The following ZDHHC7 variants were observed in gnomAD, a reference collection of about 807,000 sequenced individuals.
The protein encoded by ZDHHC7 is zDHHC palmitoyltransferase 7.
A neutral mutation model predicts 34.1 loss-of-function variants in ZDHHC7; 12 were observed. That is an observed-to-expected ratio of 0.35 (90% CI 0.23 to 0.57). ZDHHC7 has a LOEUF of 0.57. Among genes scored for constraint, ZDHHC7 ranks in the 20% least tolerant of loss-of-function variants. ZDHHC7 has a pLI of 0.84. For missense variants in ZDHHC7, 388 were observed against 402.7 expected (o/e 0.96, Z 0.31); for synonymous variants, 185 against 155.4 (o/e 1.19, Z -1.42).
At chr16:85,014,707 T>C (rs1402249274), upstream of ZDHHC7, among the ~76,000 whole-genome samples, 1 of 152,138 alleles carries the variant, frequency 6.6e-6, no homozygotes, top group African/African-American at 2.4e-5. Context: ...AGAGACAAAC[T>C]CTGTGAAATA....
chr16:84,986,440 G>C (rs2072438086), intron 3 of ZDHHC7, among the ~76,000 whole-genome samples: 1 of 152,208 alleles, frequency 6.6e-6, no homozygotes, highest in Admixed American at 6.5e-5. Flanking sequence ...GCCCCATGAA[G>C]GCTACCTCCG....
At chr16:84,976,565 G>C in intron 7 of ZDHHC7, 46 bp from the exon 8 acceptor site, 1 of 1,593,940 alleles carries the variant, frequency 6.3e-7, no homozygotes. Context: ...CAGGAAGCTC[G>C]GCAGACCCCA....
intron 2 of ZDHHC7, among the ~76,000 whole-genome samples, 194 bp from the exon 3 acceptor site, chr16:84,990,829 A>C (rs1475586122): frequency 6.6e-6 from 1 of 151,472 alleles, no homozygotes; most frequent in African/African-American, 2.4e-5. Context: ...ACTACAACAC[A>C]GTAAGTCCCA....
chr16:84,987,258 T>C (rs1982968), intron 3 of ZDHHC7, among the ~76,000 whole-genome samples: 21,544 of 152,202 alleles, frequency 0.14, 1,720 homozygotes, highest in Admixed American at 0.25. Context: ...GCAGACATGC[T>C]TCCAAAGAAG....
At chr16:85,007,951 T>C (rs368931654) in intron 1 of ZDHHC7, among the ~76,000 whole-genome samples, 1 of 151,944 alleles carries the variant, frequency 6.6e-6, no homozygotes, top group African/African-American at 2.4e-5. Flanking sequence ...AGTGAGACCC[T>C]ATCTCTACAA....
chr16:84,995,047 C>A (rs1242297530), intron 2 of ZDHHC7, among the ~76,000 whole-genome samples: 1 of 152,160 alleles, frequency 6.6e-6, no homozygotes, highest in South Asian at 2.1e-4. Flanking sequence ...TTAAAATGTA[C>A]ACATTCCTTA....
Position 84,990,365 on chromosome 16 carries a change from A to G in ZDHHC7, c.254T>C (p.Ile85Thr), listed in dbSNP as rs1426255122. 6.2e-7 allele frequency: 1 copy of G among 1,614,132 alleles called. No homozygotes were observed. Among genetic ancestry groups the G allele is most frequent in the East Asian group, 2.2e-5 (1 of 44,874 alleles). Residue 85 changes from isoleucine to threonine, a missense_variant, in exon 3 of 8, where the codon ATC becomes ACC. By Grantham distance (89) the Ile-to-Thr change is moderately conservative (BLOSUM62 -1). Transcript: ENST00000313732. ...GGCAAGCACGGCCAAGCAGTTAAAG[A>G]TGACCCCGTTGACCACAGAGTACCA... ...DFWYSVVNGVIFNCLAVLALS... is the reference protein window; with the variant it reads ...DFWYSVVNGVTFNCLAVLALS...
At chr16:85,021,596 T>A in the ZDHHC7 span, among the ~76,000 whole-genome samples, 1 of 151,726 alleles carries the variant, frequency 6.6e-6, no homozygotes, top group East Asian at 1.9e-4. Flanking sequence ...CATGCACCTA[T>A]AATCCCAGCT....
chr16:84,981,599 T>A (rs542788883), intron 4 of ZDHHC7, among the ~76,000 whole-genome samples: 1 of 152,300 alleles, frequency 6.6e-6, no homozygotes, highest in East Asian at 1.9e-4. Flanking sequence ...TGTCACCTCC[T>A]CCAGTTGTTG....
chr16:84,988,983 G>A, intron 3 of ZDHHC7: 1 of 1,129,354 alleles, frequency 8.9e-7, no homozygotes, highest in Non-Finnish European at 1.3e-6. Context: ...AGGGGTTTCT[G>A]CTGCAGCCAA....
At chr16:84,979,880 T>C (rs1464966268) in intron 4 of ZDHHC7, among the ~76,000 whole-genome samples, 1 of 151,822 alleles carries the variant, frequency 6.6e-6, no homozygotes, top group Non-Finnish European at 1.5e-5. Flanking sequence ...GCTTGCACCA[T>C]TTAATTACAT....
rs186446531 is a variant in ZDHHC7 at position 84,990,121 on chromosome 16, G to C, written c.315+183C>G. ...AACTAGGGGTATTTCACTGCGCTAG[G>C]TCTGGCCTATGTTTATTCTCAGCCT... On this transcript the variant is annotated intron_variant, in intron 3 of 7. Transcript: ENST00000313732. Among the ~76,000 whole-genome samples, 4 of 152,298 alleles carry C rather than the reference G, an allele frequency of 2.6e-5. No individual in the cohort carries two copies. In the East Asian group the frequency reaches 7.7e-4, roughly 29 times the overall value.
the ZDHHC7 span, among the ~76,000 whole-genome samples, chr16:85,019,111 G>A: frequency 2.6e-5 from 4 of 152,158 alleles, no homozygotes; most frequent in Admixed American, 2.0e-4. Flanking sequence ...TCATTCTCTC[G>A]TGGCTGTTAG....
chr16:85,015,182 C>T (rs924835799), upstream of ZDHHC7, among the ~76,000 whole-genome samples: 4 of 151,882 alleles, frequency 2.6e-5, no homozygotes, highest in South Asian at 4.2e-4. Flanking sequence ...TCAGTGCAAC[C>T]TCCGCGTCCC....
At chr16:84,994,132 C>A (rs1408016643) in intron 2 of ZDHHC7, among the ~76,000 whole-genome samples, 2 of 152,236 alleles carry the variant, frequency 1.3e-5, no homozygotes, top group Non-Finnish European at 2.9e-5. Context: ...GCAGGTCCGA[C>A]CTCCCGGCCT....
In ZDHHC7 at chr16:84,975,101, G is replaced by C. The variant is rs2072277633; in HGVS notation, c.*1242C>G. 1 of 152,674 alleles carries C rather than the reference G, an allele frequency of 6.5e-6. No individual in the cohort carries two copies. Among genetic ancestry groups the C allele is most frequent in the Non-Finnish European group, 1.5e-5 (1 of 68,048 alleles). 9.5% of individuals were successfully genotyped at this position (152,674 alleles called of 1,614,324 possible). A position where few individuals can be genotyped will look rare whatever the true frequency, so the allele number is the denominator to read the frequency against. ...CAAGGCCCCACGAGGGGAGCTGTTG[G>C]CTTTCTGGCATAATTTTAAGCTCCG... On this transcript the variant is annotated 3_prime_UTR_variant, in exon 8 of 8. Transcript: ENST00000313732.
the ZDHHC7 span, among the ~76,000 whole-genome samples, chr16:85,026,563 C>T: frequency 1.3e-5 from 2 of 151,372 alleles, no homozygotes; most frequent in Non-Finnish European, 2.9e-5. Context: ...TTAAACTTTC[C>T]CAAGGAGTCT....
intron 1 of ZDHHC7, among the ~76,000 whole-genome samples, chr16:84,997,838 G>C (rs1205816576): frequency 3.6e-5 from 5 of 137,018 alleles, no homozygotes; most frequent in African/African-American, 1.1e-4. Context: ...GCTTGCAGTG[G>C]GCCGAGATGG....
chr16:84,982,054 G>A (rs999865134), intron 3 of ZDHHC7, 60 bp from the exon 4 acceptor site: 85 of 1,601,086 alleles, frequency 5.3e-5, no homozygotes, highest in South Asian at 4.9e-4. Context: ...ACATCAGGCC[G>A]GGCGCAGTGG....
Sources: gnomAD v4.1 joint callset for allele counts (sites outside exome capture counted in the v4.1 genomes callset) on GRCh38, gnomAD v4.1.1 for gene constraint, MANE v1.5 for transcripts, NCBI Gene and HGNC (gene_info 2026-07-23, HGNC 2026-07-21) for gene names.